LUC7L3: variants seen among roughly 807,000 people sequenced by gnomAD.
LUC7L3 encodes LUC7 like 3 pre-mRNA splicing factor, also known as luc7-like protein 3.
Under a neutral mutation model 66.8 loss-of-function variants are expected in LUC7L3, and 6 were observed. That is an observed-to-expected ratio of 0.09 (90% CI 0.05 to 0.18). LUC7L3 has a LOEUF of 0.18. Among genes scored for constraint, LUC7L3 ranks in the 10% least tolerant of loss-of-function variants. The pLI is 1.00. For synonymous variants in LUC7L3, 160 were observed against 174.7 expected (o/e 0.92, Z 0.66); for missense variants, 341 against 531.1 (o/e 0.64, Z 3.52).
At chr17:50,738,352 A>G (rs1970123723) in intron 2 of LUC7L3, among the ~76,000 whole-genome samples, 2 of 152,236 alleles carry the variant, frequency 1.3e-5, no homozygotes, top group South Asian at 2.1e-4. Flanking sequence ...TTGCTTGCCA[A>G]GGACCACCAG....
intron 1 of LUC7L3, chr17:50,723,310 A>G (rs1968917103): frequency 6.6e-6 from 1 of 152,220 alleles, no homozygotes. Flanking sequence ...AAGGTTTAAC[A>G]TGAAGGTTTA....
chr17:50,737,134 A>C, intron 2 of LUC7L3, 108 bp downstream of exon 2: 1 of 757,674 alleles, frequency 1.3e-6, no homozygotes, highest in South Asian at 1.7e-5. Flanking sequence ...GTTTTTTCTT[A>C]AAGATTTGCT....
intron 1 of LUC7L3, among the ~76,000 whole-genome samples, chr17:50,733,719 G>A (rs1969794943): frequency 6.6e-6 from 1 of 152,170 alleles, no homozygotes; most frequent in Non-Finnish European, 1.5e-5. Flanking sequence ...CTTTTCATGT[G>A]TGTGAGGATG....
At chr17:50,741,832 C>T in intron 5 of LUC7L3, 101 bp downstream of exon 5, 1 of 878,584 alleles carries the variant, frequency 1.1e-6, no homozygotes, top group Non-Finnish European at 1.8e-6. Flanking sequence ...TGTGTATAAT[C>T]CCAGCACTTT....
chr17:50,750,924 G>C lies in LUC7L3; in HGVS notation c.*263G>C. On this transcript the variant is annotated 3_prime_UTR_variant, in exon 10 of 10. Transcript: ENST00000505658. Reference sequence around the variant, plus strand: ...TTAGTGTGCCTCTTTGGAAATTATCGCCCACATTTGTAATATAGTCGCCAT... The same window carrying C: ...TTAGTGTGCCTCTTTGGAAATTATCCCCCACATTTGTAATATAGTCGCCAT... 6.5e-7 allele frequency: 1 copy of C among 1,533,660 alleles called. No individual in the cohort carries two copies. Among genetic ancestry groups the C allele is most frequent in the Non-Finnish European group, 8.7e-7 (1 of 1,146,034 alleles).
At chr17:50,731,965 CAT>C (rs1969636555) in intron 1 of LUC7L3, among the ~76,000 whole-genome samples, 1 of 152,152 alleles carries the variant, frequency 6.6e-6, no homozygotes, top group South Asian at 2.1e-4. Context: ...GTCTTGGAAA[CAT>C]GTAATAGGGA....
Position 50,719,738 on chromosome 17 carries a change from T to A in LUC7L3, c.6T>A (p.Ile2=). Residue 2 remains isoleucine, a synonymous_variant, in exon 1 of 10, where the codon ATT becomes ATA. Coordinates refer to ENST00000505658, the MANE Select transcript of LUC7L3 (RefSeq NM_016424.5). ...AGCCGCCCGAAGGAAGCACCATGAT[T>A]TCGGCCGCGCAGTTGTTGGATGAGT... is the stretch of plus-strand genomic sequence containing the variant. The part of the protein sequence containing the change: M[I]SAAQLLDELM... The A allele has an allele frequency of 6.2e-7, 1 of 1,611,612 alleles. No homozygotes were observed. Among genetic ancestry groups the A allele is most frequent in the Non-Finnish European group, 8.5e-7 (1 of 1,178,996 alleles).
In LUC7L3 at chr17:50,744,820, T is replaced by C. The variant is rs1337146528; in HGVS notation, c.693+7T>C. 1.2e-6 allele frequency: 2 copies of C among 1,607,660 alleles called. No homozygotes were observed. Among genetic ancestry groups the C allele is most frequent in the Admixed American group, 3.4e-5 (2 of 58,170 alleles). On this transcript the variant is annotated splice_region_variant and intron_variant, in intron 7 of 9. Transcript: ENST00000505658. ...TACTGTAGAAGAATTAAAAGTAAGT[T>C]TTTTTGTTTGTTTTGAGGCAGATTC...
Position 50,740,295 on chromosome 17 carries a change from T to A in LUC7L3, c.167-11T>A. ...CACAGATAATTTATACAATTATATTTTTTCCCCCAGGTCCGTGTGAAAAAA... is the reference window on the plus strand; with the variant it reads ...CACAGATAATTTATACAATTATATTATTTCCCCCAGGTCCGTGTGAAAAAA... On this transcript the variant is annotated splice_polypyrimidine_tract_variant and intron_variant, in intron 2 of 9. Transcript: ENST00000505658. 1 of 1,590,640 alleles carries A rather than the reference T, an allele frequency of 6.3e-7. No individual in the cohort carries two copies. Among genetic ancestry groups the A allele is most frequent in the East Asian group, 2.2e-5 (1 of 44,560 alleles).
chr17:50,741,579 T>A lies in LUC7L3; in HGVS notation c.352-78T>A, dbSNP rs1006666221. On this transcript the variant is annotated intron_variant, in intron 4 of 9. Coordinates refer to ENST00000505658, the MANE Select transcript of LUC7L3 (RefSeq NM_016424.5). The stretch of plus-strand genomic sequence containing the variant: ...GCATTTTAATTATTAAATAGAAATA[T>A]TATGTATGGTATGTGCAAGTTTGCA... 4.8e-5 allele frequency: 38 copies of A among 787,310 alleles called. 1 individual carries two copies. Among genetic ancestry groups the A allele is most frequent in the Non-Finnish European group, 6.9e-5 (33 of 480,522 alleles). The allele number at this position is 787,310 out of a possible 1,614,324, so 48.8% of individuals were successfully genotyped here.
At chr17:50,726,560 A>G (rs901881231) in intron 1 of LUC7L3, among the ~76,000 whole-genome samples, 2 of 152,288 alleles carry the variant, frequency 1.3e-5, no homozygotes, top group Non-Finnish European at 2.9e-5. Context: ...AGAAGCAGAA[A>G]AGTCATGACA....
chr17:50,750,570 C>G lies in LUC7L3; in HGVS notation c.1208C>G (p.Thr403Arg). 6.2e-7 allele frequency: 1 copy of G among 1,613,980 alleles called. No individual in the cohort carries two copies. The highest frequency in any genetic ancestry group is 1.1e-5 in the South Asian group (1 of 91,078). Residue 403 changes from threonine to arginine, a missense_variant, in exon 10 of 10, where the codon ACA becomes AGA. By Grantham distance (71) the Thr-to-Arg change is moderately conservative. Transcript: ENST00000505658. Reference protein sequence around the residue: ...SGSREKQSEDTNTESKESDTK... With the variant: ...SGSREKQSEDRNTESKESDTK... ...AGTCGAGAAAAGCAGAGTGAAGACA[C>G]AAACACTGAATCGAAGGAAAGTGAT...
chr17:50,728,021 G>GAC (rs1176392825), intron 1 of LUC7L3, among the ~76,000 whole-genome samples: 4 of 151,578 alleles, frequency 2.6e-5, no homozygotes, highest in African/African-American at 9.7e-5. Context: ...GAGAGGCTGA[G>GAC]ACGGGAGAAT....
rs1383376924 is a variant in LUC7L3, at chr17:50,756,087, AG to A, written c.*5430del. 1.3e-5 allele frequency: 2 copies of A among 151,198 alleles called. No homozygotes were observed. Among genetic ancestry groups the A allele is most frequent in the African/African-American group, 4.9e-5 (2 of 40,474 alleles). 9.4% of individuals were successfully genotyped at this position (151,198 alleles called of 1,614,324 possible). ...GAGGGAGAGGTGATCATGAGGGCACAGGGGTCTTCAGAAGAACTGGTGAGGG... is the reference window on the plus strand; with the variant it reads ...GAGGGAGAGGTGATCATGAGGGCACAGGGTCTTCAGAAGAACTGGTGAGGG... On this transcript the variant is annotated 3_prime_UTR_variant, in exon 10 of 10. Transcript: ENST00000505658.
chr17:50,745,990 A>G lies in LUC7L3; in HGVS notation c.964A>G (p.Arg322Gly), dbSNP rs1013374078. The change falls in exon 8 of 10, where the codon AGA (arginine) becomes GGA (glycine). Residue 322 changes from arginine to glycine, a missense_variant. Transcript: ENST00000505658. ...CCACAAAAGGTCACGAAGTAGAGAA[A>G]GAAGGCGGAGCAGGTATATATAAAA... ...RDHKRSRSRE[R>G]RRSRSRDRRR... is the part of the protein sequence containing the mutation. 33 of 1,600,354 alleles carry G rather than the reference A, an allele frequency of 2.1e-5. No individual in the cohort carries two copies. The highest frequency in any genetic ancestry group is 3.4e-5 in the South Asian group (3 of 87,880).
At chr17:50,744,897 C>T (rs772108433) in intron 7 of LUC7L3, 84 bp downstream of exon 7, 10 of 1,132,894 alleles carry the variant, frequency 8.8e-6, no homozygotes, top group Non-Finnish European at 1.3e-5. Flanking sequence ...CTGCCACCTC[C>T]ACCTCCCAGG....
chr17:50,746,956 T>G (rs1370588422), intron 9 of LUC7L3, among the ~76,000 whole-genome samples: 6 of 152,202 alleles, frequency 3.9e-5, no homozygotes, highest in Non-Finnish European at 8.8e-5. Context: ...TAATGTAGCT[T>G]CTTTTAAGTG....
At chr17:50,746,803 C>T in intron 9 of LUC7L3, 101 bp downstream of exon 9, 1 of 925,004 alleles carries the variant, frequency 1.1e-6, no homozygotes, top group Non-Finnish European at 1.6e-6. Context: ...TTCATACATA[C>T]TCCTTTTCAC....
chr17:50,749,235 A>T, intron 9 of LUC7L3: 2 of 1,289,166 alleles, frequency 1.6e-6, no homozygotes, highest in African/African-American at 1.5e-5. Context: ...AGATAAGATT[A>T]TTGGACTGAC....
Sources: gnomAD v4.1 joint callset for allele counts (sites outside exome capture counted in the v4.1 genomes callset) on GRCh38, gnomAD v4.1.1 for gene constraint, MANE v1.5 for transcripts, NCBI Gene and HGNC (gene_info 2026-07-23, HGNC 2026-07-21) for gene names.